The following UNC13C variants were observed in gnomAD, a reference collection of about 807,000 sequenced individuals.
The protein encoded by UNC13C is unc-13 homolog C.
UNC13C carries 174 observed loss-of-function variants against 245.4 expected under a neutral mutation model. That is an observed-to-expected ratio of 0.71 (90% CI 0.63 to 0.80). UNC13C has a LOEUF of 0.80. Ranked by LOEUF, UNC13C falls within the 30% of genes least tolerant of loss-of-function variation. UNC13C has a pLI of 0.00. For missense variants in UNC13C, 2,829 were observed against 2,602.9 expected (o/e 1.09, Z -1.89); for synonymous variants, 992 against 895.1 (o/e 1.11, Z -1.93).
chr15:54,386,356 G>C (rs532690870), intron 17 of UNC13C, among the ~76,000 whole-genome samples: 1 of 152,306 alleles, frequency 6.6e-6, no homozygotes, highest in Non-Finnish European at 1.5e-5. Context: ...ACCATCACTA[G>C]CACTTGGCAG....
Position 54,135,293 on chromosome 15 carries a change from G to A in UNC13C, c.2984-7725G>A, listed in dbSNP as rs192590858. The stretch of plus-strand genomic sequence containing the variant: ...CGATTGTTTCCTTTGCTGTGCAAAA[G>A]CATGTTAATTTGATGAACCTGTTTA... On this transcript the variant is annotated intron_variant, in intron 2 of 32. Coordinates refer to ENST00000260323, the MANE Select transcript of UNC13C (RefSeq NM_001080534.3). Among the ~76,000 whole-genome samples, 57 of 152,206 alleles carry A rather than the reference G, an allele frequency of 3.7e-4. No homozygotes were observed. The East Asian group carries it at 9.9e-3, about 26-fold the overall frequency.
rs774917478 is a variant in UNC13C at position 54,264,334 on chromosome 15, G to C, written c.3615G>C (p.Lys1205Asn). The change falls in exon 9 of 33, where the codon AAG becomes AAC. Residue 1205 changes from lysine (K) to asparagine (N), a missense_variant. Transcript: ENST00000260323. ...ISKEDFVQFTKAAKQSVLDGT... is the reference protein window; with the variant it reads ...ISKEDFVQFTNAAKQSVLDGT... ...AAGAAGATTTTGTGCAGTTTACAAA[G>C]GCGGCCAAACAGAGTGTACTGGATG... The C allele has an allele frequency of 6.2e-7, 1 of 1,606,894 alleles. No homozygotes were observed. The highest frequency in any genetic ancestry group is 8.5e-7 in the Non-Finnish European group (1 of 1,176,450).
intron 28 of UNC13C, among the ~76,000 whole-genome samples, chr15:54,552,658 AT>A (rs1896851286): frequency 1.4e-5 from 1 of 72,150 alleles, no homozygotes; most frequent in African/African-American, 6.3e-5. Flanking sequence ...ATATAATTAT[AT>A]TATATTGTAC....
intron 19 of UNC13C, among the ~76,000 whole-genome samples, chr15:54,450,786 A>G (rs1197819388): frequency 1.3e-5 from 2 of 151,960 alleles, no homozygotes; most frequent in African/African-American, 4.8e-5. Context: ...TCCTGCCCCC[A>G]CTGTCCGACA....
intron 19 of UNC13C, among the ~76,000 whole-genome samples, chr15:54,468,343 T>C (rs1339032076): frequency 6.6e-6 from 1 of 151,752 alleles, no homozygotes; most frequent in East Asian, 1.9e-4. Context: ...TATTAATGTA[T>C]TTTGGATATT....
Position 54,561,274 on chromosome 15 carries a change from T to C in UNC13C, c.5958+5762T>C, listed in dbSNP as rs139438458. 7.1e-3 allele frequency among the ~76,000 whole-genome samples: 1,075 copies of C among 151,152 alleles called. 16 individuals are homozygous for C. The highest frequency in any genetic ancestry group is 0.024 in the African/African-American group (1,008 of 41,356). On this transcript the variant is annotated intron_variant, in intron 29 of 32. Transcript: ENST00000260323. ...CAGATTAAAAGCTGAGAGAGGTACATTGAAAATGAAATAATGATACATGTT... is the reference window on the plus strand; with the variant it reads ...CAGATTAAAAGCTGAGAGAGGTACACTGAAAATGAAATAATGATACATGTT...
chr15:54,037,905 T>G (rs1481973284), intron 2 of UNC13C, among the ~76,000 whole-genome samples: 1 of 115,962 alleles, frequency 8.6e-6, no homozygotes, highest in East Asian at 2.6e-4. Context: ...TCTGTATTCT[T>G]TTACCAAAAA....
rs1174571169 is a variant in UNC13C, at chr15:54,352,461, TAATGAAATGGTATCTAATGTGCTG to T, written c.4713+13974_4713+13997del. Among the ~76,000 whole-genome samples the T allele has an allele frequency of 2.6e-5, 4 of 151,244 alleles. No individual in the cohort carries two copies. In the East Asian group the frequency reaches 7.7e-4, roughly 29 times the overall value. Reference sequence around the variant, plus strand: ...TCATGTGAATAAAATGGTGTTGCATTAATGAAATGGTATCTAATGTGCTGATTAGACATAGTCTCTTTTATTAAA... The same window carrying T: ...TCATGTGAATAAAATGGTGTTGCATTATTAGACATAGTCTCTTTTATTAAA... On this transcript the variant is annotated intron_variant, in intron 17 of 32. Transcript: ENST00000260323.
intron 19 of UNC13C, among the ~76,000 whole-genome samples, chr15:54,430,547 A>G (rs2040851292): frequency 6.6e-6 from 1 of 151,628 alleles, no homozygotes; most frequent in African/African-American, 2.4e-5. Flanking sequence ...GCCTCTCAAC[A>G]TCATATAAGG....
At chr15:54,380,290 C>T (rs912711995) in intron 17 of UNC13C, among the ~76,000 whole-genome samples, 4 of 152,198 alleles carry the variant, frequency 2.6e-5, no homozygotes, top group Admixed American at 2.6e-4. Flanking sequence ...CAAGTTCATC[C>T]ATGAAGCAAC....
At chr15:53,997,112 G>A (rs2140968796) in intron 1 of UNC13C, among the ~76,000 whole-genome samples, 1 of 152,106 alleles carries the variant, frequency 6.6e-6, no homozygotes, top group African/African-American at 2.4e-5. Context: ...ATTTTCATCT[G>A]TATGAAATGA....
the UNC13C span, among the ~76,000 whole-genome samples, chr15:53,884,356 C>A: frequency 6.6e-6 from 1 of 152,064 alleles, no homozygotes; most frequent in African/African-American, 2.4e-5. Context: ...ATACACAGGG[C>A]CTTGTTCTGT....
At chr15:54,503,349 T>C (rs1894315322) in intron 22 of UNC13C, among the ~76,000 whole-genome samples, 1 of 151,950 alleles carries the variant, frequency 6.6e-6, no homozygotes, top group Non-Finnish European at 1.5e-5. Flanking sequence ...CTATACAGAA[T>C]AATAAATAAA....
intron 26 of UNC13C, among the ~76,000 whole-genome samples, chr15:54,544,719 A>G (rs1896409245): frequency 6.6e-6 from 1 of 152,188 alleles, no homozygotes; most frequent in Non-Finnish European, 1.5e-5. Flanking sequence ...AGAATAAAAT[A>G]CCAAGGAATA....
chr15:54,189,594 A>C (rs903214194), intron 4 of UNC13C, among the ~76,000 whole-genome samples: 1 of 152,178 alleles, frequency 6.6e-6, no homozygotes, highest in Non-Finnish European at 1.5e-5. Context: ...ATTTCGGGAA[A>C]ATGGAAACAA....
the UNC13C span, among the ~76,000 whole-genome samples, chr15:53,919,103 C>T: frequency 0.19 from 29,008 of 152,100 alleles, 3,406 homozygotes; most frequent in Middle Eastern, 0.26. Context: ...TGCAGACTCA[C>T]ATTTTCATAG....
chr15:54,621,604 G>A (rs1275682644), intron 30 of UNC13C, among the ~76,000 whole-genome samples: 1 of 152,112 alleles, frequency 6.6e-6, no homozygotes, highest in African/African-American at 2.4e-5. Context: ...GGAAAAATGT[G>A]TATGTTCATA....
intron 17 of UNC13C, among the ~76,000 whole-genome samples, chr15:54,350,577 A>G (rs2038960409): frequency 6.6e-6 from 1 of 152,192 alleles, no homozygotes. Flanking sequence ...AATATGCTAT[A>G]TTTGTGGTAT....
chr15:54,478,053 G>A (rs891736499), intron 19 of UNC13C, among the ~76,000 whole-genome samples: 21 of 151,594 alleles, frequency 1.4e-4, no homozygotes, highest in Non-Finnish European at 2.8e-4. Context: ...TGTATGTGTC[G>A]AGGAATTTAT....
Sources: gnomAD v4.1 joint callset for allele counts (sites outside exome capture counted in the v4.1 genomes callset) on GRCh38, gnomAD v4.1.1 for gene constraint, MANE v1.5 for transcripts, NCBI Gene and HGNC (gene_info 2026-07-23, HGNC 2026-07-21) for gene names.